UCHL5: variants seen among roughly 807,000 people sequenced by gnomAD.
The protein encoded by UCHL5 is ubiquitin C-terminal hydrolase L5.
UCHL5 carries 34 observed loss-of-function variants against 53.8 expected under a neutral mutation model. The ratio of observed to expected loss-of-function variants is 0.63; its 90% CI spans 0.48 to 0.84. The LOEUF (loss-of-function observed/expected upper bound fraction) is 0.84. Ranked by LOEUF, UCHL5 falls within the 40% of genes least tolerant of loss-of-function variation. The pLI is 0.00. For missense variants in UCHL5, 290 were observed against 385.6 expected, an observed-to-expected ratio of 0.75 and a Z score of 2.08; for synonymous variants, 111 against 126.3, an observed-to-expected ratio of 0.88 and a Z score of 0.81.
At chr1:193,025,575 G>C (rs1357661495) in intron 7 of UCHL5, among the ~76,000 whole-genome samples, 3 of 152,102 alleles carry the variant, frequency 2.0e-5, no homozygotes, top group Non-Finnish European at 4.4e-5. Context: ...ACTCTGCTGG[G>C]GGCTAGAACA....
At chr1:193,043,170 A>C (rs1247534890) in intron 3 of UCHL5, among the ~76,000 whole-genome samples, 1 of 148,958 alleles carries the variant, frequency 6.7e-6, no homozygotes, top group Non-Finnish European at 1.5e-5. Flanking sequence ...AAAAAAAAAA[A>C]AAAAAACCAC....
At chr1:193,056,860 T>A (rs1670771851) in intron 1 of UCHL5, among the ~76,000 whole-genome samples, 1 of 152,228 alleles carries the variant, frequency 6.6e-6, no homozygotes, top group Non-Finnish European at 1.5e-5. Flanking sequence ...GATGGTGACA[T>A]AAACTACCAC....
rs1553255148 is a variant in UCHL5 at position 193,043,151 on chromosome 1, T to TTAAAAA, written c.246+6594_246+6595insTTTTTA. Among the ~76,000 whole-genome samples the TTAAAAA allele has an allele frequency of 2.7e-4, 10 of 36,374 alleles. 1 individual carries two copies. The highest frequency in any genetic ancestry group is 7.6e-4 in the East Asian group (1 of 1,312). The allele number at this position is 36,374 out of a possible 152,430, so 23.9% of individuals were successfully genotyped here. A position where few individuals can be genotyped will look rare whatever the true frequency, so the allele number is the denominator to read the frequency against. On this transcript the variant is annotated intron_variant, in intron 3 of 10. Transcript: ENST00000367454. ...TGGAGCCTTGACAGCTCTTGAATAT[T>TTAAAAA]AAAAAAAAAAAAAAAAAAAAAAAAA...
chr1:193,016,375 T>G lies in UCHL5; in HGVS notation c.963A>C (p.Ala321=), dbSNP rs1380207751. ...LVEKAKEKQN[A]KKAQETK ...TTCATTTGGTTTCCTGAGCTTTCTTTGCGTTCTGTTTTTCTTTTGCCTAAA... is the reference window on the plus strand; with the variant it reads ...TTCATTTGGTTTCCTGAGCTTTCTTGGCGTTCTGTTTTTCTTTTGCCTAAA... The change falls in exon 11 of 11, where the codon GCA becomes GCC. Residue 321 remains alanine, a synonymous_variant. Transcript: ENST00000367454. 81 of 1,605,980 alleles carry G rather than the reference T, an allele frequency of 5.0e-5. No homozygotes were observed. Among genetic ancestry groups the G allele is most frequent in the Non-Finnish European group, 6.9e-5 (81 of 1,177,416 alleles).
upstream of UCHL5, chr1:193,059,834 A>G (rs754240436): frequency 4.4e-6 from 6 of 1,360,290 alleles, no homozygotes; most frequent in Non-Finnish European, 5.9e-6. The surrounding 1 kb of genome is among the most constrained non-coding windows in gnomAD (Gnocchi z 4.9). Flanking sequence ...GGGACGCGCA[A>G]ATTCTGACCA....
chr1:193,038,876 G>C (rs1249722127), intron 3 of UCHL5, among the ~76,000 whole-genome samples: 1 of 151,164 alleles, frequency 6.6e-6, no homozygotes, highest in Admixed American at 6.6e-5. Flanking sequence ...CACACTTGTA[G>C]TCTTAGCTAC....
chr1:193,021,009 A>G, intron 10 of UCHL5, 88 bp downstream of exon 10: 2 of 929,836 alleles, frequency 2.2e-6, no homozygotes, highest in Non-Finnish European at 1.6e-6. Context: ...CAAAAATTTT[A>G]CCTCTATTCA....
At chr1:193,052,187 A>C (rs58479385) in intron 1 of UCHL5, among the ~76,000 whole-genome samples, 3,326 of 151,970 alleles carry the variant, frequency 0.022, 121 homozygotes, top group African/African-American at 0.076. Context: ...TTTCTGGGAA[A>C]GTAAATAACT....
At chr1:193,058,175 C>G (rs1004563585) in intron 1 of UCHL5, among the ~76,000 whole-genome samples, 2 of 151,618 alleles carry the variant, frequency 1.3e-5, no homozygotes, top group Non-Finnish European at 2.9e-5. Flanking sequence ...TGCAGTGGGC[C>G]AAGATCGCGC....
At chr1:193,020,931 A>T (rs1167041195) in intron 10 of UCHL5, among the ~76,000 whole-genome samples, 166 bp downstream of exon 10, 2 of 152,020 alleles carry the variant, frequency 1.3e-5, no homozygotes, top group East Asian at 3.8e-4. Flanking sequence ...TTACAGTCTC[A>T]ATTGAACTAA....
Position 193,051,844 on chromosome 1 carries a change from T to C in UCHL5, c.77-27A>G, listed in dbSNP as rs1252426949. The C allele has an allele frequency of 2.7e-6, 4 of 1,504,268 alleles. No homozygotes were observed. The South Asian group carries it at 4.8e-5, about 18-fold the overall frequency. The allele number at this position is 1,504,268 out of a possible 1,614,324, so 93.2% of individuals were successfully genotyped here. A position where few individuals can be genotyped will look rare whatever the true frequency, so the allele number is the denominator to read the frequency against. On this transcript the variant is annotated intron_variant, in intron 1 of 10. Coordinates refer to ENST00000367454, the MANE Select transcript of UCHL5 (RefSeq NM_001199261.3). Reference sequence around the variant, plus strand: ...TGAAATAATAAATTATTTTCTTCAGTAAACAGGATAATTCATTTTTTCCTT... The same window carrying C: ...TGAAATAATAAATTATTTTCTTCAGCAAACAGGATAATTCATTTTTTCCTT...
chr1:193,024,112 A>G (rs886962555), intron 7 of UCHL5, among the ~76,000 whole-genome samples, 166 bp from the exon 8 acceptor site: 4 of 152,268 alleles, frequency 2.6e-5, no homozygotes, highest in African/African-American at 9.6e-5. Flanking sequence ...GGTCAGGCAC[A>G]TAGGTGCCTC....
intron 3 of UCHL5, among the ~76,000 whole-genome samples, chr1:193,038,786 AG>A: frequency 6.6e-6 from 1 of 152,116 alleles, no homozygotes; most frequent in East Asian, 1.9e-4. Flanking sequence ...GCTTGAGCCC[AG>A]GAGTTTAAGA....
chr1:193,035,487 C>A (rs1293391659), intron 3 of UCHL5, among the ~76,000 whole-genome samples: 2 of 151,892 alleles, frequency 1.3e-5, no homozygotes, highest in African/African-American at 4.8e-5. Flanking sequence ...CAAGAATACT[C>A]TCTCCAGCAA....
At chr1:193,016,783 A>C (rs1655036288) in intron 10 of UCHL5, among the ~76,000 whole-genome samples, 1 of 151,844 alleles carries the variant, frequency 6.6e-6, no homozygotes, top group South Asian at 2.1e-4. Context: ...GTTTCTGCAA[A>C]TGTGAATAAA....
chr1:193,047,850 T>C (rs540884379), intron 3 of UCHL5, among the ~76,000 whole-genome samples: 1 of 152,174 alleles, frequency 6.6e-6, no homozygotes, highest in African/African-American at 2.4e-5. Flanking sequence ...TATTTTAGCA[T>C]GAATCTAGGC....
rs1355384895 is a variant in UCHL5 at position 193,015,926 on chromosome 1, T to C, written c.*425A>G. On this transcript the variant is annotated 3_prime_UTR_variant, in exon 11 of 11. Transcript: ENST00000367454. ...TTTTAAAATCCTCAAAACACTTAGA[T>C]ATCAAAGATAGAAATACTGATTTTT... The C allele has an allele frequency of 6.3e-6, 1 of 158,096 alleles. No individual in the cohort carries two copies. Among genetic ancestry groups the C allele is most frequent in the Non-Finnish European group, 1.4e-5 (1 of 72,080 alleles). 9.8% of individuals were successfully genotyped at this position (158,096 alleles called of 1,614,324 possible). A position where few individuals can be genotyped will look rare whatever the true frequency, so the allele number is the denominator to read the frequency against.
intron 3 of UCHL5, among the ~76,000 whole-genome samples, chr1:193,035,971 G>A (rs777148112): frequency 4.2e-4 from 64 of 151,480 alleles, no homozygotes; most frequent in Admixed American, 1.1e-3. Context: ...CATGGTAACC[G>A]CAATGCAAAA....
chr1:193,031,786 T>C (rs1661505238), intron 3 of UCHL5, among the ~76,000 whole-genome samples: 1 of 152,132 alleles, frequency 6.6e-6, no homozygotes, highest in Non-Finnish European at 1.5e-5. Context: ...AAAAATAATC[T>C]TATATATAGT....
Sources: gnomAD v4.1 joint callset for allele counts (sites outside exome capture counted in the v4.1 genomes callset) on GRCh38, gnomAD v4.1.1 for gene constraint, Gnocchi (gnomAD v3.1) non-coding constraint, MANE v1.5 for transcripts, NCBI Gene and HGNC (gene_info 2026-07-23, HGNC 2026-07-21) for gene names.